Variants in DTNBP1 observed in about 807,000 individuals in gnomAD.
The protein encoded by DTNBP1 is dysbindin.
DTNBP1 carries 35 observed loss-of-function variants against 42.8 expected under a neutral mutation model. That is an observed-to-expected ratio of 0.82 (90% confidence interval 0.63 to 1.09). The LOEUF is 1.09. Among genes scored for constraint, DTNBP1 ranks in the 50% least tolerant of loss-of-function variants. DTNBP1 has a pLI of 0.00. For synonymous variants in DTNBP1, 171 were observed against 162.2 expected (o/e 1.05, Z -0.41); for missense variants, 457 against 424.2 (o/e 1.08, Z -0.68).
chr6:15,524,297 T>TA, intron 9 of DTNBP1: 2 of 1,610,080 alleles, frequency 1.2e-6, no homozygotes, highest in East Asian at 2.2e-5. Context: ...TCACCAAAGT[T>TA]ACCGGAGTGG....
At chr6:15,656,096 C>T (rs1026935185) in intron 1 of DTNBP1, among the ~76,000 whole-genome samples, 35 of 152,252 alleles carry the variant, frequency 2.3e-4, no homozygotes, top group African/African-American at 8.4e-4. Flanking sequence ...CTGGAAACTA[C>T]AGAGCTAATT....
At chr6:15,523,562 C>T (rs200297633) in intron 9 of DTNBP1, 8 of 1,184,088 alleles carry the variant, frequency 6.8e-6, no homozygotes, top group Middle Eastern at 3.7e-4. Context: ...ATCTAGATTT[C>T]TTTTTTTTTT....
chr6:15,633,751 C>A (rs1403190933), intron 4 of DTNBP1, among the ~76,000 whole-genome samples: 4 of 152,066 alleles, frequency 2.6e-5, no homozygotes, highest in Admixed American at 1.3e-4. Flanking sequence ...ACCACCCCAA[C>A]CTTCAGTAAC....
intron 6 of DTNBP1, among the ~76,000 whole-genome samples, chr6:15,609,042 C>T (rs1758242978): frequency 6.6e-6 from 1 of 152,104 alleles, no homozygotes; most frequent in African/African-American, 2.4e-5. Flanking sequence ...TTCTGAAACT[C>T]CTAGTACTCA....
chr6:15,644,164 C>A (rs1760535539), intron 3 of DTNBP1, among the ~76,000 whole-genome samples: 2 of 136,596 alleles, frequency 1.5e-5, no homozygotes, highest in South Asian at 4.6e-4. Context: ...AAACTTTAAA[C>A]CAAGAACAGT....
In DTNBP1 at chr6:15,627,409, G is replaced by T. The variant is rs754095042; in HGVS notation, c.289C>A (p.Leu97Met). 1.4e-5 allele frequency: 22 copies of T among 1,613,866 alleles called. No homozygotes were observed. In the South Asian group the frequency reaches 2.4e-4, roughly 18 times the overall value. The change falls in exon 5 of 10, where the codon CTG becomes ATG. Residue 97 changes from leucine to methionine, a missense_variant. Coordinates refer to ENST00000344537, the MANE Select transcript of DTNBP1 (RefSeq NM_032122.5). ...GGGAGCTGCTGGAGCTGCTCTTGCAGCTCCACGAGGCTTGTCTTTTTCTTC... is the reference window on the plus strand; with the variant it reads ...GGGAGCTGCTGGAGCTGCTCTTGCATCTCCACGAGGCTTGTCTTTTTCTTC... Reference protein sequence around the residue: ...WEKKKTSLVELQEQLQQLPAL... With the variant: ...WEKKKTSLVEMQEQLQQLPAL...
intron 7 of DTNBP1, among the ~76,000 whole-genome samples, chr6:15,549,650 TC>T (rs1180499325): frequency 6.6e-6 from 1 of 152,116 alleles, no homozygotes; most frequent in Non-Finnish European, 1.5e-5. Flanking sequence ...ACTCTGGGCC[TC>T]CCCTGTTGAG....
chr6:15,633,610 T>C (rs186714093), intron 4 of DTNBP1, among the ~76,000 whole-genome samples: 45 of 152,334 alleles, frequency 3.0e-4, no homozygotes, highest in East Asian at 1.3e-3. Flanking sequence ...TTGACTCCAA[T>C]TTTGAAAGAA....
chr6:15,636,431 G>A lies in DTNBP1; in HGVS notation c.222+1313C>T, dbSNP rs139050159. ...CTCCCAAAGTGCTGGGATTACAGGT[G>A]TGAGCCACCGTGCCCAGCCAACTCT... On this transcript the variant is annotated intron_variant, in intron 4 of 9. Coordinates refer to ENST00000344537, the MANE Select transcript of DTNBP1 (RefSeq NM_032122.5). Among the ~76,000 whole-genome samples the A allele has an allele frequency of 4.5e-3, 678 of 152,224 alleles. 6 individuals are homozygous for A. The highest frequency in any genetic ancestry group is 0.015 in the African/African-American group (626 of 41,534).
intron 8 of DTNBP1, among the ~76,000 whole-genome samples, chr6:15,525,912 C>A (rs769131406): frequency 7.2e-5 from 11 of 151,982 alleles, no homozygotes; most frequent in Non-Finnish European, 1.2e-4. Flanking sequence ...CAAAACATTC[C>A]AAGCAAGATC....
At chr6:15,657,558 T>G (rs1376297466) in intron 1 of DTNBP1, among the ~76,000 whole-genome samples, 1 of 152,196 alleles carries the variant, frequency 6.6e-6, no homozygotes, top group Non-Finnish European at 1.5e-5. Context: ...GCCTCTCAAG[T>G]TATTCTTCCA....
chr6:15,531,404 G>A (rs1437843806), intron 8 of DTNBP1, among the ~76,000 whole-genome samples: 2 of 152,130 alleles, frequency 1.3e-5, no homozygotes, highest in Non-Finnish European at 2.9e-5. Context: ...CGTATGCTCG[G>A]AGGAAACGCA....
intron 6 of DTNBP1, among the ~76,000 whole-genome samples, chr6:15,598,598 G>C (rs1333309610): frequency 6.6e-6 from 1 of 150,660 alleles, no homozygotes; most frequent in Non-Finnish European, 1.5e-5. Flanking sequence ...CCACTCTCAA[G>C]AAAGAAGCAT....
At chr6:15,630,532 C>T (rs1396135848) in intron 4 of DTNBP1, among the ~76,000 whole-genome samples, 1 of 152,142 alleles carries the variant, frequency 6.6e-6, no homozygotes, top group African/African-American at 2.4e-5. Flanking sequence ...TAGAAAACTG[C>T]CCTCAGAGTT....
chr6:15,577,377 GCC>G (rs1229665429), intron 7 of DTNBP1, among the ~76,000 whole-genome samples: 1 of 152,252 alleles, frequency 6.6e-6, no homozygotes, highest in Non-Finnish European at 1.5e-5. Context: ...CAGGGAGGAT[GCC>G]CGCACGGCAG....
intron 3 of DTNBP1, among the ~76,000 whole-genome samples, chr6:15,650,712 G>T (rs1760944866): frequency 1.3e-5 from 2 of 152,122 alleles, no homozygotes; most frequent in Admixed American, 6.6e-5. Context: ...TCTTCATGGG[G>T]TTGTCTTTTT....
intron 4 of DTNBP1, among the ~76,000 whole-genome samples, chr6:15,634,470 C>T (rs1759885027): frequency 6.6e-6 from 1 of 152,128 alleles, no homozygotes; most frequent in Non-Finnish European, 1.5e-5. Flanking sequence ...GTGCCTGCCA[C>T]CACACCAGGC....
At chr6:15,531,262 C>G (rs1581701412) in intron 8 of DTNBP1, among the ~76,000 whole-genome samples, 1 of 152,176 alleles carries the variant, frequency 6.6e-6, no homozygotes, top group African/African-American at 2.4e-5. Flanking sequence ...TGGGGTAAGA[C>G]AGTGTCCTTC....
chr6:15,563,742 G>A (rs1192555665), intron 7 of DTNBP1, among the ~76,000 whole-genome samples: 1 of 152,032 alleles, frequency 6.6e-6, no homozygotes, highest in East Asian at 1.9e-4. Context: ...CCCTACACTC[G>A]GTCCACTCCA....
Sources: allele counts gnomAD v4.1 joint callset (sites outside exome capture counted in the v4.1 genomes callset), GRCh38; gene constraint gnomAD v4.1.1; transcripts MANE v1.5; gene names NCBI Gene and HGNC (gene_info 2026-07-23, HGNC 2026-07-21).